The following TRPM8 variants were observed in gnomAD, a reference collection of about 807,000 sequenced individuals.
TRPM8 encodes TRPM8 cationic channel.
Under a neutral mutation model 133.7 loss-of-function variants are expected in TRPM8, and 110 were observed. The observed-to-expected ratio is 0.82, with a 90% CI of 0.70 to 0.96. The LOEUF (loss-of-function observed/expected upper bound fraction) is 0.96, where lower values mean the gene tolerates loss of function less well. Ranked by LOEUF, TRPM8 falls within the 40% of genes least tolerant of loss-of-function variation. The pLI is 0.00. For synonymous variants in TRPM8, 535 were observed against 532.3 expected, an observed-to-expected ratio of 1.01 and a Z score of -0.07; for missense variants, 1,291 against 1,379.5, an observed-to-expected ratio of 0.94 and a Z score of 1.02.
chr2:233,996,893 A>C (rs1041103561), intron 22 of TRPM8, among the ~76,000 whole-genome samples: 3 of 152,196 alleles, frequency 2.0e-5, no homozygotes, highest in Non-Finnish European at 2.9e-5. Flanking sequence ...TGACTCCAGC[A>C]CGGTTTGTGA....
intron 24 of TRPM8, among the ~76,000 whole-genome samples, chr2:234,010,736 T>G (rs1007719008): frequency 7.2e-5 from 11 of 152,222 alleles, no homozygotes; most frequent in African/African-American, 2.4e-4. Flanking sequence ...GATTAAGTGT[T>G]GAGCACCTTT....
At chr2:234,003,908 CA>C (rs1231713986) in intron 22 of TRPM8, among the ~76,000 whole-genome samples, 1 of 152,158 alleles carries the variant, frequency 6.6e-6, no homozygotes, top group African/African-American at 2.4e-5. Context: ...TTAGGAAATT[CA>C]GTGCCTAAAT....
In TRPM8 at chr2:233,964,658, G is replaced by A; in HGVS notation, c.1780G>A (p.Ala594Thr). The change falls in exon 14 of 26, where the codon GCC becomes ACC. Residue 594 changes from alanine to threonine, a missense_variant. Coordinates refer to ENST00000324695, the MANE Select transcript of TRPM8 (RefSeq NM_024080.5). ...GGGCTGCACTCTGGCAGCCCTGGGA[G>A]CCAGCAAGCTTCTGAAGACTCTGGC... ...TRGCTLAALG[A>T]SKLLKTLAKV... 6.2e-7 allele frequency: 1 copy of A among 1,609,544 alleles called. No individual in the cohort carries two copies. The highest frequency in any genetic ancestry group is 2.2e-5 in the East Asian group (1 of 44,806).
At chr2:233,948,011 G>A (rs985454594) in intron 8 of TRPM8, among the ~76,000 whole-genome samples, 3 of 152,114 alleles carry the variant, frequency 2.0e-5, no homozygotes, top group African/African-American at 7.2e-5. Context: ...TCTAGGAATA[G>A]CACATTACAA....
chr2:233,995,260 A>G (rs751199599), intron 21 of TRPM8, among the ~76,000 whole-genome samples: 2 of 152,248 alleles, frequency 1.3e-5, no homozygotes, highest in Non-Finnish European at 2.9e-5. Flanking sequence ...AGTTGTTTGT[A>G]GATTAAGCCA....
chr2:233,928,754 C>T (rs940903343), intron 2 of TRPM8, among the ~76,000 whole-genome samples: 3 of 152,194 alleles, frequency 2.0e-5, no homozygotes, highest in African/African-American at 7.2e-5. Context: ...AAAGAATGCT[C>T]TTGTGCCCAC....
intron 17 of TRPM8, among the ~76,000 whole-genome samples, chr2:233,978,865 C>T (rs961710560): frequency 1.3e-5 from 2 of 152,152 alleles, no homozygotes; most frequent in African/African-American, 4.8e-5. Context: ...ACCCCCTTGG[C>T]CCACTCAAGT....
At chr2:233,984,347 A>G (rs1692088399) in intron 20 of TRPM8, among the ~76,000 whole-genome samples, 1 of 152,066 alleles carries the variant, frequency 6.6e-6, no homozygotes, top group Non-Finnish European at 1.5e-5. Context: ...CCCTCCTCTG[A>G]GATTTCTCAG....
At chr2:234,008,006 CT>C in intron 23 of TRPM8, 63 bp from the exon 24 acceptor site, 1 of 1,495,376 alleles carries the variant, frequency 6.7e-7, no homozygotes, top group Non-Finnish European at 9.2e-7. Flanking sequence ...AAAATGGAGC[CT>C]AATAGCCCTC....
At chr2:233,980,164 C>T in intron 17 of TRPM8, 24 bp from the exon 18 acceptor site, 2 of 1,501,426 alleles carry the variant, frequency 1.3e-6, no homozygotes, top group Admixed American at 1.8e-5. Flanking sequence ...GCTGATGTCC[C>T]TCTCTGTCCC....
rs28902214 is a variant in TRPM8, at chr2:233,988,793, G to A, written c.2939+2928G>A. 3.3e-4 allele frequency among the ~76,000 whole-genome samples: 51 copies of A among 152,286 alleles called. 1 individual carries two copies. Among genetic ancestry groups the A allele is most frequent in the African/African-American group, 1.2e-3 (48 of 41,550 alleles). ...ACAGGCAGCCAGCCAATGTCATGATGTCCAAATAGTGTCCAAAAGTCAGAG... is the reference window on the plus strand; with the variant it reads ...ACAGGCAGCCAGCCAATGTCATGATATCCAAATAGTGTCCAAAAGTCAGAG... On this transcript the variant is annotated intron_variant, in intron 21 of 25. Coordinates refer to ENST00000324695, the MANE Select transcript of TRPM8 (RefSeq NM_024080.5).
chr2:233,994,460 A>G (rs1692355653), intron 21 of TRPM8, among the ~76,000 whole-genome samples: 1 of 152,364 alleles, frequency 6.6e-6, no homozygotes, highest in East Asian at 1.9e-4. Context: ...GGCATAGCAT[A>G]GGAGCTTACA....
At chr2:233,967,634 C>G (rs2125210764) in intron 15 of TRPM8, among the ~76,000 whole-genome samples, 1 of 152,342 alleles carries the variant, frequency 6.6e-6, no homozygotes, top group East Asian at 1.9e-4. Context: ...TGATATCATA[C>G]AGCCAGATGT....
chr2:234,009,138 C>T (rs1692768668), intron 24 of TRPM8, among the ~76,000 whole-genome samples: 2 of 152,258 alleles, frequency 1.3e-5, no homozygotes, highest in South Asian at 2.1e-4. Context: ...AGTTTTAAAA[C>T]CCAAGAGGGA....
intron 6 of TRPM8, among the ~76,000 whole-genome samples, chr2:233,943,672 C>A (rs757449185): frequency 5.9e-5 from 9 of 152,126 alleles, no homozygotes; most frequent in Non-Finnish European, 1.2e-4. Context: ...GAGTAATGAG[C>A]ATTTCATGCT....
chr2:233,988,756 C>T (rs1402457452), intron 21 of TRPM8, among the ~76,000 whole-genome samples: 1 of 152,168 alleles, frequency 6.6e-6, no homozygotes, highest in Non-Finnish European at 1.5e-5. Flanking sequence ...GATCCAGAAG[C>T]CTGTCTGACT....
intron 22 of TRPM8, among the ~76,000 whole-genome samples, chr2:234,003,054 C>T (rs1331490057): frequency 6.6e-6 from 1 of 152,152 alleles, no homozygotes; most frequent in Admixed American, 6.5e-5. Context: ...AAAAATTTAA[C>T]TTGCCAAGAA....
chr2:233,977,881 A>AT, intron 17 of TRPM8, among the ~76,000 whole-genome samples: 1 of 152,254 alleles, frequency 6.6e-6, no homozygotes, highest in Non-Finnish European at 1.5e-5. Flanking sequence ...ATTTTTGTCC[A>AT]TTTTTATTTT....
At position 233,930,658 on chromosome 2, in the gene TRPM8, C is replaced by T; in HGVS notation, c.118-10C>T. 4 of 1,582,180 alleles carry T rather than the reference C, an allele frequency of 2.5e-6. No individual in the cohort carries two copies. Among genetic ancestry groups the T allele is most frequent in the Non-Finnish European group, 3.5e-6 (4 of 1,154,220 alleles). The stretch of plus-strand genomic sequence containing the variant: ...TTAGTAATGTGTTATTCAATGTTCT[C>T]TCTCCAAAGGACTTGGTGAATTTTA... On this transcript the variant is annotated splice_polypyrimidine_tract_variant and intron_variant, in intron 2 of 25. Coordinates refer to ENST00000324695, the MANE Select transcript of TRPM8 (RefSeq NM_024080.5).
Sources: gnomAD v4.1 joint callset for allele counts (sites outside exome capture counted in the v4.1 genomes callset) on GRCh38, gnomAD v4.1.1 for gene constraint, MANE v1.5 for transcripts, NCBI Gene and HGNC (gene_info 2026-07-23, HGNC 2026-07-21) for gene names.